PDLIM2: variants seen among roughly 807,000 people sequenced by gnomAD.
The protein encoded by PDLIM2 is PDZ and LIM domain 2.
Under a neutral mutation model 54.1 loss-of-function variants are expected in PDLIM2, and 51 were observed. That is an observed-to-expected ratio of 0.94 (90% CI 0.75 to 1.19). The LOEUF is 1.19. PDLIM2 is among the 50% of genes most tolerant of loss of function. The pLI is 0.00. For missense variants in PDLIM2, 912 were observed against 874.0 expected, an observed-to-expected ratio of 1.04 and a Z score of -0.55; for synonymous variants, 398 against 385.6, an observed-to-expected ratio of 1.03 and a Z score of -0.38.
chr8:22,593,617 G>A, intron 9 of PDLIM2, 116 bp from the exon 9 acceptor site: 1 of 587,570 alleles, frequency 1.7e-6, no homozygotes, highest in Non-Finnish European at 2.7e-6. Context: ...TAGTCTCTGA[G>A]AAGGCTTTGG....
intron 9 of PDLIM2, chr8:22,592,299 C>G (rs918214652): frequency 2.0e-5 from 3 of 152,090 alleles, no homozygotes; most frequent in African/African-American, 7.2e-5. Context: ...CCAGGCTGGT[C>G]TCAAACTCTT....
rs945105918 is a variant in PDLIM2, at chr8:22,578,802, C to T, written c.23C>T (p.Pro8Leu). The T allele has an allele frequency of 2.3e-5, 28 of 1,234,318 alleles. No homozygotes were observed. The highest frequency in any genetic ancestry group is 1.2e-4 in the South Asian group (3 of 24,440). 76.5% of individuals were successfully genotyped at this position (1,234,318 alleles called of 1,614,324 possible). A position where few individuals can be genotyped will look rare whatever the true frequency, so the allele number is the denominator to read the frequency against. The change falls in exon 1 of 10, where the codon CCG becomes CTG. Residue 8 changes from proline to leucine, a missense_variant. Physicochemically the swap from Pro to Leu is moderately conservative, Grantham distance 98. Coordinates refer to ENST00000308354, the Ensembl canonical transcript of PDLIM2. The stretch of plus-strand genomic sequence containing the variant: ...GGGATGCGGGGCGGGAGAGCGCGGC[C>T]GGCGTGGGAGAGCTTTATGGGGCTG...
chr8:22,588,953 T>C, intron 6 of PDLIM2: 1 of 417,888 alleles, frequency 2.4e-6, no homozygotes, highest in Non-Finnish European at 4.3e-6. Flanking sequence ...GTGCAATGTC[T>C]TTGCACACAG....
At chr8:22,579,282 T>C in exon 1 of PDLIM2, 2 of 1,372,488 alleles carry the variant, frequency 1.5e-6, no homozygotes, top group Non-Finnish European at 1.9e-6. Flanking sequence ...GCCGGGCTCC[T>C]CTCCGCGCCC....
chr8:22,590,676 A>G (rs1800516510), intron 8 of PDLIM2: 1 of 152,382 alleles, frequency 6.6e-6, no homozygotes. Context: ...TTCCCAGGAA[A>G]TGGTGCCCCT....
intron 1 of PDLIM2, 55 bp from the exon 1 acceptor site, chr8:22,580,420 A>G: frequency 7.2e-7 from 1 of 1,385,962 alleles, no homozygotes; most frequent in South Asian, 1.5e-5. Flanking sequence ...GGGTGGGGGG[A>G]AGTGAAACCG....
chr8:22,579,497 C>A (rs1230787717), exon 1 of PDLIM2: 1 of 1,509,854 alleles, frequency 6.6e-7, no homozygotes, highest in Non-Finnish European at 8.8e-7. Context: ...CCGCGGCGCC[C>A]GCAGCGCGGA....
At chr8:22,578,925 T>C (rs1207704856) in exon 1 of PDLIM2, 6 of 1,237,850 alleles carry the variant, frequency 4.8e-6, no homozygotes, top group Non-Finnish European at 5.0e-6. Flanking sequence ...CCGGGGAGGA[T>C]GCGGGCACCA....
chr8:22,581,389 G>T, exon 3 of PDLIM2: 1 of 1,603,264 alleles, frequency 6.2e-7, no homozygotes, highest in Non-Finnish European at 8.5e-7. Flanking sequence ...GTGGCCGAGC[G>T]GGGCAAAGCC....
exon 1 of PDLIM2, chr8:22,579,033 C>CGGA: frequency 8.1e-7 from 1 of 1,240,860 alleles, no homozygotes; most frequent in Non-Finnish European, 1.0e-6. Context: ...GCTCGCCGCG[C>CGGA]GGAGGCGGCG....
intron 6 of PDLIM2, 157 bp from the exon 6 acceptor site, chr8:22,589,141 G>C: frequency 3.4e-6 from 2 of 588,532 alleles, no homozygotes; most frequent in Non-Finnish European, 5.9e-6. Context: ...GGGAGCCCCC[G>C]ACACCTTGGC....
intron 6 of PDLIM2, among the ~76,000 whole-genome samples, chr8:22,586,750 G>A (rs980281428): frequency 5.9e-5 from 9 of 152,258 alleles, no homozygotes; most frequent in African/African-American, 2.2e-4. Flanking sequence ...AAGCCTTCCC[G>A]AGCTTCCCCA....
downstream of PDLIM2, chr8:22,595,008 A>T (rs1586932590): frequency 5.4e-6 from 1 of 183,526 alleles, no homozygotes; most frequent in Non-Finnish European, 1.1e-5. Flanking sequence ...GAGGCAGGGG[A>T]CAGTAGTCTC....
At chr8:22,594,610 C>G, downstream of PDLIM2, 1 of 1,613,954 alleles carries the variant, frequency 6.2e-7, no homozygotes, top group African/African-American at 1.3e-5. Context: ...AGCGGAGGGA[C>G]AGGAGGAAGA....
exon 10 of PDLIM2, chr8:22,593,736 C>T (rs139554954): frequency 1.0e-5 from 16 of 1,582,136 alleles, no homozygotes; most frequent in Admixed American, 3.6e-5. Flanking sequence ...CCTTCAGGAA[C>T]CAGGCTGTGC....
Position 22,593,889 on chromosome 8 carries a change from C to A in PDLIM2, c.1788C>A (p.Ala596=), listed in dbSNP as rs553985800. The change falls in exon 10 of 10, where the codon GCC becomes GCA. Residue 596 remains alanine, a synonymous_variant. Transcript: ENST00000308354. ...CCCGCCAGCGCTACTCCGCACCTGCCACCCTCAGCTCTCGGGCCTGAGCCC... is the reference window on the plus strand; with the variant it reads ...CCCGCCAGCGCTACTCCGCACCTGCAACCCTCAGCTCTCGGGCCTGAGCCC... 1.9e-6 allele frequency: 3 copies of A among 1,548,938 alleles called. No homozygotes were observed. The African/African-American group carries it at 4.1e-5, about 21-fold the overall frequency.
intron 1 of PDLIM2, chr8:22,580,260 T>A (rs534187635): frequency 2.7e-6 from 1 of 371,956 alleles, no homozygotes; most frequent in South Asian, 2.3e-5. Flanking sequence ...GAGGGGAGAC[T>A]GAGGGGGTGC....
intron 6 of PDLIM2, 70 bp downstream of exon 5, chr8:22,585,469 C>T: frequency 3.4e-6 from 5 of 1,470,788 alleles, no homozygotes; most frequent in Non-Finnish European, 4.6e-6. Flanking sequence ...TTGCCAGTGC[C>T]CCGGGACTGC....
chr8:22,585,651 C>A, intron 6 of PDLIM2: 1 of 202,088 alleles, frequency 4.9e-6, no homozygotes, highest in East Asian at 1.4e-4. Context: ...CCCCTCATCC[C>A]CCTCCCCTCC....
Sources: gnomAD v4.1 joint callset for allele counts (sites outside exome capture counted in the v4.1 genomes callset) on GRCh38, gnomAD v4.1.1 for gene constraint, MANE v1.5 for transcripts, NCBI Gene and HGNC (gene_info 2026-07-23, HGNC 2026-07-21) for gene names.